The following JHY variants were observed in gnomAD, a reference collection of about 807,000 sequenced individuals.
JHY encodes the protein junctional cadherin complex regulator.
JHY carries 69 observed loss-of-function variants against 78.0 expected under a neutral mutation model. The ratio of observed to expected loss-of-function variants is 0.88; its 90% CI spans 0.73 to 1.08. The LOEUF is 1.08. JHY is among the 50% of genes least tolerant of loss of function. JHY has a pLI of 0.00. For synonymous variants in JHY, 368 were observed against 342.6 expected (o/e 1.07, Z -0.82); for missense variants, 944 against 927.8 (o/e 1.02, Z -0.23).
chr11:122,942,163 C>T (rs1323639546), intron 5 of JHY, among the ~76,000 whole-genome samples: 1 of 151,756 alleles, frequency 6.6e-6, no homozygotes, highest in African/African-American at 2.4e-5. Context: ...TGAGCCACCG[C>T]ACCTGGCCAG....
At chr11:122,900,429 A>T (rs779899863) in intron 2 of JHY, among the ~76,000 whole-genome samples, 1 of 150,722 alleles carries the variant, frequency 6.6e-6, no homozygotes, top group Non-Finnish European at 1.5e-5. Flanking sequence ...AGAGGGTTGC[A>T]TCTACTGTAC....
At chr11:122,955,162 T>C (rs1181165095) in intron 6 of JHY, among the ~76,000 whole-genome samples, 1 of 152,126 alleles carries the variant, frequency 6.6e-6, no homozygotes, top group Non-Finnish European at 1.5e-5. Flanking sequence ...TCTCTGTCAC[T>C]CAGGCTGGAA....
At chr11:122,937,332 C>T (rs183918942) in intron 5 of JHY, among the ~76,000 whole-genome samples, 6 of 151,192 alleles carry the variant, frequency 4.0e-5, no homozygotes, top group African/African-American at 1.2e-4. Context: ...ATTGATCCTA[C>T]GCTTATGAGT....
chr11:122,938,401 A>ATT (rs77392464), intron 5 of JHY, among the ~76,000 whole-genome samples: 4 of 151,554 alleles, frequency 2.6e-5, no homozygotes, highest in Admixed American at 6.6e-5. Context: ...TTCCGACAGG[A>ATT]TTTTTTTGTT....
intron 3 of JHY, among the ~76,000 whole-genome samples, chr11:122,914,323 GC>G (rs1271230953): frequency 6.6e-6 from 1 of 152,088 alleles, no homozygotes; most frequent in Non-Finnish European, 1.5e-5. Flanking sequence ...ATAAGATTAA[GC>G]TTTACCTTTA....
At position 122,946,737 on chromosome 11, in the gene JHY, G is replaced by T. The variant is rs772928092; in HGVS notation, c.1874G>T (p.Gly625Val). Residue 625 changes from glycine to valine, a missense_variant, in exon 6 of 9, where the codon GGC (glycine) becomes GTC (valine). Gly to Val is a moderately radical substitution (Grantham distance 109). Transcript: ENST00000227349. ...AAAATTAGCCGTAGCAATTCTGAAG[G>T]CTATCTGTTTCAACTGGAAAAGGGA... Reference protein sequence around the residue: ...QVKISRSNSEGYLFQLEKGKK... With the variant: ...QVKISRSNSEVYLFQLEKGKK... 2.5e-6 allele frequency: 4 copies of T among 1,613,940 alleles called. No homozygotes were observed. Among genetic ancestry groups the T allele is most frequent in the Non-Finnish European group, 3.4e-6 (4 of 1,179,986 alleles).
At chr11:122,904,525 CCTTT>C in intron 3 of JHY, 81 bp downstream of exon 3, 1 of 1,437,364 alleles carries the variant, frequency 7.0e-7, no homozygotes, top group Non-Finnish European at 9.4e-7. Flanking sequence ...GATATCGCTT[CCTTT>C]AAGATGACGA....
intron 6 of JHY, among the ~76,000 whole-genome samples, chr11:122,956,165 A>T (rs7124440): frequency 0.22 from 32,851 of 151,986 alleles, 3,871 homozygotes; most frequent in East Asian, 0.31. Flanking sequence ...CCAAAAAAAA[A>T]AAAATAAAAT....
At chr11:122,906,018 A>T (rs1862983774) in intron 3 of JHY, 1 of 152,202 alleles carries the variant, frequency 6.6e-6, no homozygotes, top group East Asian at 1.9e-4. Flanking sequence ...AAATAGGTGT[A>T]GTATATATAG....
chr11:122,902,659 G>C (rs1862886525), intron 2 of JHY, among the ~76,000 whole-genome samples: 1 of 152,158 alleles, frequency 6.6e-6, no homozygotes, highest in South Asian at 2.1e-4. Context: ...TCATGGCAAA[G>C]GCAAAGGGGG....
chr11:122,927,054 T>A (rs1442011997), intron 4 of JHY: 2 of 152,226 alleles, frequency 1.3e-5, no homozygotes, highest in Admixed American at 1.3e-4. Flanking sequence ...AGTGGCAACA[T>A]CATAACCAGT....
chr11:122,933,896 T>G (rs1863686719), intron 4 of JHY, among the ~76,000 whole-genome samples: 1 of 152,228 alleles, frequency 6.6e-6, no homozygotes, highest in African/African-American at 2.4e-5. Context: ...GCATTTGTAC[T>G]TTCTCCGTAT....
intron 4 of JHY, among the ~76,000 whole-genome samples, chr11:122,927,721 CTTTTCTT>C (rs1039182109): frequency 2.0e-5 from 3 of 148,648 alleles, no homozygotes; most frequent in Non-Finnish European, 3.0e-5. Context: ...TTTTTCTTTT[CTTTTCTT>C]TTTTCTTTTT....
At chr11:122,949,990 C>T (rs1864052113) in intron 6 of JHY, among the ~76,000 whole-genome samples, 1 of 152,030 alleles carries the variant, frequency 6.6e-6, no homozygotes, top group Non-Finnish European at 1.5e-5. Context: ...CACACCACTA[C>T]ACCCGGCTGA....
Position 122,961,097 on chromosome 11 carries a change from A to G in JHY, c.*1652A>G. 1 of 1,018,938 alleles carries G rather than the reference A, an allele frequency of 9.8e-7. No homozygotes were observed. Among genetic ancestry groups the G allele is most frequent in the Non-Finnish European group, 1.5e-6 (1 of 662,770 alleles). 63.1% of individuals were successfully genotyped at this position (1,018,938 alleles called of 1,614,324 possible). On this transcript the variant is annotated 3_prime_UTR_variant, in exon 9 of 9. Transcript: ENST00000227349. ...CACAGCCAGTTATGTAAATGTATCT[A>G]TCCCAATTGAGAGAGCCAGAAACAG... is the stretch of plus-strand genomic sequence containing the variant.
chr11:122,914,125 A>T (rs901741031), intron 3 of JHY, among the ~76,000 whole-genome samples: 1 of 152,174 alleles, frequency 6.6e-6, no homozygotes, highest in South Asian at 2.1e-4. Flanking sequence ...ACTCAGAATT[A>T]TTGAGATGAT....
At position 122,903,986 on chromosome 11, in the gene JHY, A is replaced by G. The variant is rs773361408; in HGVS notation, c.406A>G (p.Lys136Glu). 5.6e-6 allele frequency: 9 copies of G among 1,613,886 alleles called. No individual in the cohort carries two copies. Among genetic ancestry groups the G allele is most frequent in the Non-Finnish European group, 7.6e-6 (9 of 1,179,806 alleles). The change falls in exon 3 of 9, where the codon AAG becomes GAG. Residue 136 changes from lysine to glutamate, a missense_variant. Lys to Glu is a moderately conservative substitution (Grantham distance 56). Coordinates refer to ENST00000227349, the MANE Select transcript of JHY (RefSeq NM_024806.4). ...CTATGACCCGAACTGGAAGAGTAAG[A>G]AGGAGGAAGGGCAGCTGCTGTCTGT... ...LRYDPNWKSK[K>E]EEGQLLSVEA...
rs941399332 is a variant in JHY at position 122,959,615 on chromosome 11, G to T, written c.*170G>T. 6.4e-6 allele frequency: 4 copies of T among 621,946 alleles called. No individual in the cohort carries two copies. In the African/African-American group the frequency reaches 7.4e-5, roughly 12 times the overall value. The allele number at this position is 621,946 out of a possible 1,614,324, so 38.5% of individuals were successfully genotyped here. A position where few individuals can be genotyped will look rare whatever the true frequency, so the allele number is the denominator to read the frequency against. On this transcript the variant is annotated 3_prime_UTR_variant, in exon 9 of 9. Transcript: ENST00000227349. Reference sequence around the variant, plus strand: ...ATATGAGGCCCAATTGGATTATGGTGCCATATTTTACTTTCTAGGAAGAAA... The same window carrying T: ...ATATGAGGCCCAATTGGATTATGGTTCCATATTTTACTTTCTAGGAAGAAA...
chr11:122,951,051 G>T (rs887430219), intron 6 of JHY, among the ~76,000 whole-genome samples: 1 of 152,210 alleles, frequency 6.6e-6, no homozygotes, highest in Non-Finnish European at 1.5e-5. Context: ...AGGACAGCAG[G>T]TAGTCAAGGC....
Sources: allele counts gnomAD v4.1 joint callset (sites outside exome capture counted in the v4.1 genomes callset), GRCh38; gene constraint gnomAD v4.1.1; transcripts MANE v1.5; gene names NCBI Gene and HGNC (gene_info 2026-07-23, HGNC 2026-07-21).